The following COL21A1 variants were observed in gnomAD, a reference collection of about 807,000 sequenced individuals.
COL21A1 encodes the protein collagen alpha-1(XXI) chain.
COL21A1 carries 149 observed loss-of-function variants against 137.9 expected under a neutral mutation model. The ratio of observed to expected loss-of-function variants is 1.08; its 90% confidence interval spans 0.95 to 1.24. The LOEUF (loss-of-function observed/expected upper bound fraction) is 1.24, where lower values mean the gene tolerates loss of function less well. Among genes scored for constraint, COL21A1 ranks in the 50% most tolerant of loss-of-function variants. The pLI is 0.00. For missense variants in COL21A1, 1,167 were observed against 1,158.4 expected (o/e 1.01, Z -0.11); for synonymous variants, 456 against 391.5 (o/e 1.16, Z -1.95).
At chr6:56,362,972 A>T (rs1206539025) in intron 1 of COL21A1, among the ~76,000 whole-genome samples, 1 of 152,268 alleles carries the variant, frequency 6.6e-6, no homozygotes, top group East Asian at 1.9e-4. Flanking sequence ...CCTTCTTTGC[A>T]ACATCTCTGC....
At chr6:56,333,454 T>C (rs928857013) in intron 1 of COL21A1, among the ~76,000 whole-genome samples, 1 of 152,146 alleles carries the variant, frequency 6.6e-6, no homozygotes, top group Admixed American at 6.6e-5. Flanking sequence ...CATATTGTAA[T>C]GTATATCAAT....
intron 1 of COL21A1, among the ~76,000 whole-genome samples, chr6:56,210,173 T>C (rs1177842148): frequency 6.6e-6 from 1 of 152,002 alleles, no homozygotes; most frequent in African/African-American, 2.4e-5. Flanking sequence ...ATTTGATGGG[T>C]GCAGCAAACC....
chr6:56,205,732 A>T (rs1303342079), intron 1 of COL21A1, among the ~76,000 whole-genome samples: 1 of 152,214 alleles, frequency 6.6e-6, no homozygotes, highest in Non-Finnish European at 1.5e-5. Context: ...GGGCAGCCAG[A>T]GAGAAAGGTT....
At chr6:56,356,121 A>C (rs999721693) in intron 1 of COL21A1, among the ~76,000 whole-genome samples, 8 of 152,224 alleles carry the variant, frequency 5.3e-5, no homozygotes, top group Admixed American at 6.5e-5. Flanking sequence ...GCACAATGCC[A>C]GTTTCTAAGG....
At chr6:56,329,734 C>T (rs961829095) in intron 1 of COL21A1, among the ~76,000 whole-genome samples, 3 of 151,988 alleles carry the variant, frequency 2.0e-5, no homozygotes, top group Non-Finnish European at 4.4e-5. Context: ...AAAAAGTCCC[C>T]TAGGACTTCC....
intron 22 of COL21A1, among the ~76,000 whole-genome samples, chr6:56,068,357 T>A (rs1347458820): frequency 6.6e-6 from 1 of 151,586 alleles, no homozygotes; most frequent in Non-Finnish European, 1.5e-5. Context: ...CTGAAACATT[T>A]GTATTTGCAG....
chr6:56,331,443 G>A (rs989389615), intron 1 of COL21A1, among the ~76,000 whole-genome samples: 2 of 151,864 alleles, frequency 1.3e-5, no homozygotes, highest in Admixed American at 6.6e-5. Context: ...TCCATCTTGA[G>A]TTAATTTTTT....
chr6:56,154,172 G>A (rs1382714949), intron 10 of COL21A1, among the ~76,000 whole-genome samples: 2 of 152,094 alleles, frequency 1.3e-5, no homozygotes, highest in Admixed American at 6.5e-5. Context: ...AAGGATGACT[G>A]ACCCCCTTGT....
chr6:56,358,110 C>A (rs1765877116), intron 1 of COL21A1, among the ~76,000 whole-genome samples: 1 of 152,096 alleles, frequency 6.6e-6, no homozygotes, highest in Admixed American at 6.5e-5. Context: ...AGCAATATTT[C>A]AGTTGCACTT....
At chr6:56,219,057 G>A (rs899819990) in intron 1 of COL21A1, among the ~76,000 whole-genome samples, 2 of 151,910 alleles carry the variant, frequency 1.3e-5, no homozygotes, top group African/African-American at 4.8e-5. Context: ...TCGTTTTGAA[G>A]TGTCATCTCC....
intron 18 of COL21A1, among the ~76,000 whole-genome samples, chr6:56,075,756 T>G (rs1412458625): frequency 6.6e-6 from 1 of 151,462 alleles, no homozygotes; most frequent in Admixed American, 6.6e-5. Context: ...TAGTAACATT[T>G]GCCATTCTTT....
At chr6:56,138,375 C>A (rs1283580777) in intron 12 of COL21A1, among the ~76,000 whole-genome samples, 1 of 150,264 alleles carries the variant, frequency 6.7e-6, no homozygotes, top group Non-Finnish European at 1.5e-5. Flanking sequence ...CTTAATATTA[C>A]AATAATAAAA....
intron 14 of COL21A1, among the ~76,000 whole-genome samples, chr6:56,124,864 C>G (rs530320492): frequency 6.6e-6 from 1 of 152,036 alleles, no homozygotes; most frequent in African/African-American, 2.4e-5. Flanking sequence ...CCAGGATGGT[C>G]TCGATCTCCT....
intron 1 of COL21A1, among the ~76,000 whole-genome samples, chr6:56,297,654 C>A (rs948723413): frequency 6.6e-6 from 1 of 151,852 alleles, no homozygotes; most frequent in Non-Finnish European, 1.5e-5. Context: ...TTATTGATGG[C>A]AATGTGAAAA....
intron 1 of COL21A1, among the ~76,000 whole-genome samples, chr6:56,267,649 G>A (rs769975768): frequency 7.2e-5 from 11 of 151,792 alleles, no homozygotes; most frequent in Admixed American, 2.0e-4. Context: ...CCAGCTACTC[G>A]GGAGGCTGAG....
intron 17 of COL21A1, among the ~76,000 whole-genome samples, chr6:56,083,098 T>A: frequency 6.6e-6 from 1 of 151,996 alleles, no homozygotes; most frequent in East Asian, 1.9e-4. Flanking sequence ...TTTATTATCT[T>A]ACAGTTCTGT....
intron 2 of COL21A1, among the ~76,000 whole-genome samples, chr6:56,180,640 T>C (rs1170615690): frequency 6.6e-6 from 1 of 152,154 alleles, no homozygotes; most frequent in Non-Finnish European, 1.5e-5. Context: ...AAAAATACCA[T>C]CTTTGGTGCA....
At chr6:56,332,683 T>C (rs1438643741) in intron 1 of COL21A1, among the ~76,000 whole-genome samples, 1 of 151,892 alleles carries the variant, frequency 6.6e-6, no homozygotes, top group Non-Finnish European at 1.5e-5. Flanking sequence ...CACTAGGTTA[T>C]ATGTTTTTTT....
At chr6:56,380,090 C>T (rs1367920979) in intron 1 of COL21A1, among the ~76,000 whole-genome samples, 1 of 152,042 alleles carries the variant, frequency 6.6e-6, no homozygotes, top group Non-Finnish European at 1.5e-5. Flanking sequence ...TGGCTTGATG[C>T]CATCCCCTTG....
Sources: allele counts gnomAD v4.1 joint callset (sites outside exome capture counted in the v4.1 genomes callset), GRCh38; gene constraint gnomAD v4.1.1; transcripts MANE v1.5; gene names NCBI Gene and HGNC (gene_info 2026-07-23, HGNC 2026-07-21).